The following HTT variants were observed in gnomAD, a reference collection of about 807,000 sequenced individuals.
The protein encoded by HTT is huntington disease protein.
In HTT, 104 loss-of-function variants were observed where a neutral mutation model predicts 362.3. The ratio of observed to expected loss-of-function variants is 0.29; its 90% CI spans 0.24 to 0.34. The LOEUF is 0.34. HTT is among the 10% of genes least tolerant of loss of function. The pLI is 1.00. For missense variants in HTT, 3,301 were observed against 3,928.6 expected (o/e 0.84, Z 4.27); for synonymous variants, 1,577 against 1,548.7 (o/e 1.02, Z -0.43).
In HTT at chr4:3,229,878, C is replaced by T; in HGVS notation, c.8110-9C>T. On this transcript the variant is annotated splice_polypyrimidine_tract_variant and intron_variant, in intron 59 of 66. Transcript: ENST00000355072. ...CTCCCCTTGCCCTCCTGGTTTTCCACATCTCCAGCTTCTAGTGGTCTCAGA... is the reference window on the plus strand; with the variant it reads ...CTCCCCTTGCCCTCCTGGTTTTCCATATCTCCAGCTTCTAGTGGTCTCAGA... The T allele has an allele frequency of 6.2e-7, 1 of 1,613,824 alleles. No homozygotes were observed. Among genetic ancestry groups the T allele is most frequent in the South Asian group, 1.1e-5 (1 of 91,072 alleles).
rs574453307 is a variant in HTT, at chr4:3,241,818, C to G, written c.*1759C>G. 2.0e-5 allele frequency: 3 copies of G among 152,236 alleles called. No individual in the cohort carries two copies. The highest frequency in any genetic ancestry group is 7.2e-5 in the African/African-American group (3 of 41,452). The allele number at this position is 152,236 out of a possible 1,614,324, so 9.4% of individuals were successfully genotyped here. A position where few individuals can be genotyped will look rare whatever the true frequency, so the allele number is the denominator to read the frequency against. The stretch of plus-strand genomic sequence containing the variant: ...GTATGAGGCTTTTCCCACCAGCTCC[C>G]AACAGAGGCCTCCCCCAGCCAGGAC... On this transcript the variant is annotated 3_prime_UTR_variant, in exon 67 of 67. Coordinates refer to ENST00000355072, the MANE Select transcript of HTT (RefSeq NM_001388492.1).
chr4:3,135,272 A>G (rs1223417875), intron 19 of HTT, among the ~76,000 whole-genome samples: 2 of 151,892 alleles, frequency 1.3e-5, no homozygotes, highest in Non-Finnish European at 2.9e-5. Flanking sequence ...GCAGTGAGCC[A>G]AGATTGTGGC....
Position 3,143,856 on chromosome 4 carries a change from A to G in HTT, c.3066+970A>G, listed in dbSNP as rs547749609. On this transcript the variant is annotated intron_variant, in intron 23 of 66. Coordinates refer to ENST00000355072, the MANE Select transcript of HTT (RefSeq NM_001388492.1). ...AACCTCAGGTGATCCGCCCTCCTCG[A>G]CCCCCCAAAGTGCTGGGATTACAGG... is the stretch of plus-strand genomic sequence containing the variant. 1.7e-3 allele frequency among the ~76,000 whole-genome samples: 256 copies of G among 151,596 alleles called. 2 individuals carry two copies. The highest frequency in any genetic ancestry group is 3.0e-3 in the Admixed American group (46 of 15,182).
At chr4:3,191,410 G>A (rs1035426052) in intron 40 of HTT, among the ~76,000 whole-genome samples, 6 of 152,092 alleles carry the variant, frequency 3.9e-5, no homozygotes, top group Non-Finnish European at 8.8e-5. Context: ...GACCTCAGGT[G>A]ATCCACCCGC....
intron 5 of HTT, among the ~76,000 whole-genome samples, chr4:3,106,839 T>G (rs1436649790): frequency 1.3e-5 from 2 of 152,212 alleles, no homozygotes; most frequent in Non-Finnish European, 2.9e-5. Context: ...TGTCACTCTG[T>G]GTGTTGGGTG....
At chr4:3,232,115 G>A (rs907513394) in intron 60 of HTT, among the ~76,000 whole-genome samples, 34 of 152,176 alleles carry the variant, frequency 2.2e-4, no homozygotes, top group African/African-American at 7.2e-4. Context: ...ACCTGGGGCC[G>A]TACGCAGTCC....
At chr4:3,132,522 G>A (rs1444671731) in intron 16 of HTT, 40 bp from the exon 17 acceptor site, 2 of 1,556,606 alleles carry the variant, frequency 1.3e-6, no homozygotes, top group African/African-American at 1.4e-5. Context: ...AAAGTTGATA[G>A]TAGGGAATTG....
intron 40 of HTT, among the ~76,000 whole-genome samples, chr4:3,191,242 C>T (rs776418400): frequency 2.6e-5 from 4 of 151,574 alleles, no homozygotes; most frequent in Non-Finnish European, 5.9e-5. Context: ...GGTGCCATCT[C>T]GGCTCACCGC....
intron 29 of HTT, among the ~76,000 whole-genome samples, chr4:3,169,041 C>T (rs1717846475): frequency 7.5e-6 from 1 of 133,376 alleles, no homozygotes; most frequent in South Asian, 2.2e-4. Flanking sequence ...TTTTTTGAGA[C>T]AGTGTCTCGC....
intron 23 of HTT, 36 bp from the exon 24 acceptor site, chr4:3,145,116 T>C (rs747663508): frequency 6.3e-6 from 9 of 1,430,560 alleles, no homozygotes; most frequent in Non-Finnish European, 8.9e-6. Context: ...ACCTTTGTGG[T>C]GTTTGGGTGT....
chr4:3,088,218 G>A (rs1578487206), intron 2 of HTT, among the ~76,000 whole-genome samples: 6 of 133,776 alleles, frequency 4.5e-5, no homozygotes, highest in East Asian at 2.3e-4. Flanking sequence ...ACGGAGTCAC[G>A]ATCTGTCACC....
At chr4:3,143,357 A>T (rs1250943477) in intron 23 of HTT, among the ~76,000 whole-genome samples, 1 of 150,252 alleles carries the variant, frequency 6.7e-6, no homozygotes, top group Admixed American at 6.7e-5. Flanking sequence ...GAATCGCTTG[A>T]ACCTGGGAGG....
At position 3,121,245 on chromosome 4, in the gene HTT, A is replaced by G. The variant is rs1384498777; in HGVS notation, c.1086A>G (p.Leu362=). ...EQLVQVYELT[L]HHTQHQDHNV... ...GTTTCTAGGTTTATGAACTGACGTT[A>G]CATCATACACAGCACCAAGACCACA... Residue 362 remains leucine (L), a synonymous_variant, in exon 9 of 67, where the codon TTA becomes TTG. Transcript: ENST00000355072. 32 of 1,613,650 alleles carry G rather than the reference A, an allele frequency of 2.0e-5. No homozygotes were observed. The highest frequency in any genetic ancestry group is 2.6e-5 in the Non-Finnish European group (31 of 1,179,614).
At chr4:3,214,599 G>A (rs1230733391) in intron 50 of HTT, among the ~76,000 whole-genome samples, 1 of 152,196 alleles carries the variant, frequency 6.6e-6, no homozygotes, top group African/African-American at 2.4e-5. Flanking sequence ...CTCAACAAGG[G>A]TCATTAGCCA....
intron 26 of HTT, among the ~76,000 whole-genome samples, chr4:3,151,342 AAGAG>A (rs1190821580): frequency 1.3e-5 from 2 of 151,986 alleles, no homozygotes; most frequent in Admixed American, 6.6e-5. Context: ...CCACAGGAAA[AAGAG>A]AGAAGGAGAG....
At chr4:3,133,177 C>T (rs759498958) in intron 18 of HTT, among the ~76,000 whole-genome samples, 1 of 152,046 alleles carries the variant, frequency 6.6e-6, no homozygotes, top group Non-Finnish European at 1.5e-5. Context: ...AATAACCTAT[C>T]ATTAAGTGTA....
rs538068374 is a variant in HTT at position 3,173,084 on chromosome 4, C to T, written c.4119C>T (p.Ala1373=). 76 of 1,614,072 alleles carry T rather than the reference C, an allele frequency of 4.7e-5. No individual in the cohort carries two copies. The highest frequency in any genetic ancestry group is 5.3e-5 in the Non-Finnish European group (62 of 1,180,050). Residue 1373 remains alanine, a synonymous_variant, in exon 31 of 67, where the codon GCC becomes GCT. Transcript: ENST00000355072. ...ACTTCACCCAGGCCCTCGCTGACGC[C>T]AGCCTGAGGAACATGGTGCAGGCGG... ...YTHFTQALAD[A]SLRNMVQAEQ...
chr4:3,106,793 C>G (rs1289411916), intron 5 of HTT, among the ~76,000 whole-genome samples: 1 of 152,196 alleles, frequency 6.6e-6, no homozygotes, highest in East Asian at 1.9e-4. Flanking sequence ...GAGGGCAGGG[C>G]TGCACCACTC....
At position 3,242,821 on chromosome 4, in the gene HTT, A is replaced by C. The variant is rs1357495900; in HGVS notation, c.*2762A>C. 6.6e-6 allele frequency: 1 copy of C among 152,170 alleles called. No individual in the cohort carries two copies. The highest frequency in any genetic ancestry group is 1.9e-4 in the East Asian group (1 of 5,198). 9.4% of individuals were successfully genotyped at this position (152,170 alleles called of 1,614,324 possible). ...GAAACCAGGGTAGAATTGTTTGGCA[A>C]TGCACTGAAGCGTGTTTCTTTCCCA... On this transcript the variant is annotated 3_prime_UTR_variant, in exon 67 of 67. Coordinates refer to ENST00000355072, the MANE Select transcript of HTT (RefSeq NM_001388492.1).
Sources: gnomAD v4.1 joint callset for allele counts (sites outside exome capture counted in the v4.1 genomes callset) on GRCh38, gnomAD v4.1.1 for gene constraint, MANE v1.5 for transcripts, NCBI Gene and HGNC (gene_info 2026-07-23, HGNC 2026-07-21) for gene names.